ARHGEF10: variants seen among roughly 807,000 people sequenced by gnomAD.
ARHGEF10 encodes Rho guanine nucleotide exchange factor 10.
A neutral mutation model predicts 147.4 loss-of-function variants in ARHGEF10; 140 were observed. The ratio of observed to expected loss-of-function variants is 0.95; its 90% CI spans 0.83 to 1.09. ARHGEF10 has a LOEUF of 1.09. ARHGEF10 is among the 50% of genes least tolerant of loss of function. ARHGEF10 has a pLI of 0.00. For missense variants in ARHGEF10, 2,222 were observed against 1,752.7 expected (o/e 1.27, Z -4.78); for synonymous variants, 902 against 695.8 (o/e 1.30, Z -4.67).
At chr8:1,896,199 T>G in intron 13 of ARHGEF10, 134 bp from the exon 14 acceptor site, 1 of 823,260 alleles carries the variant, frequency 1.2e-6, no homozygotes, top group South Asian at 1.3e-5. Flanking sequence ...ACAGTCATAA[T>G]AAAGTTTATC....
At chr8:1,932,925 C>G (rs753586714) in intron 25 of ARHGEF10, among the ~76,000 whole-genome samples, 1 of 152,128 alleles carries the variant, frequency 6.6e-6, no homozygotes, top group South Asian at 2.1e-4. Flanking sequence ...AGGTCGATGC[C>G]TTAATTAATG....
chr8:1,905,698 G>T lies in ARHGEF10; in HGVS notation c.1949G>T (p.Cys650Phe). 1 of 1,614,004 alleles carries T rather than the reference G, an allele frequency of 6.2e-7. No homozygotes were observed. Among genetic ancestry groups the T allele is most frequent in the Non-Finnish European group, 8.5e-7 (1 of 1,180,042 alleles). ...RVFMLNDVLM[C>F]ATVSSRPSHD... ...TTCATGTTAAATGATGTGTTAATGT[G>T]TGCCACCGTCAGCTCACGGTAAGTG... is the stretch of plus-strand genomic sequence containing the variant. Residue 650 changes from cysteine (C) to phenylalanine (F), a missense_variant, in exon 17 of 29, where the codon TGT becomes TTT. By Grantham distance (205) the Cys-to-Phe change is radical. Transcript: ENST00000349830.
intron 2 of ARHGEF10, among the ~76,000 whole-genome samples, chr8:1,856,851 C>T (rs1037283171): frequency 6.6e-6 from 1 of 152,150 alleles, no homozygotes; most frequent in Non-Finnish European, 1.5e-5. Context: ...GGAAGAAATC[C>T]CAGCCCTTGG....
chr8:1,837,672 A>G (rs950785978), intron 1 of ARHGEF10, among the ~76,000 whole-genome samples: 2 of 152,182 alleles, frequency 1.3e-5, no homozygotes, highest in African/African-American at 4.8e-5. Flanking sequence ...TAGGGCGGGA[A>G]GGGGGAAGAG....
Position 1,937,464 on chromosome 8 carries a change from C to G in ARHGEF10, c.3222+3522C>G, listed in dbSNP as rs1002719903. Among the ~76,000 whole-genome samples, 3 of 152,236 alleles carry G rather than the reference C, an allele frequency of 2.0e-5. No individual in the cohort carries two copies. Among genetic ancestry groups the G allele is most frequent in the South Asian group, 2.1e-4 (1 of 4,836 alleles). ...ACAGCTGGGGGTAATTCCCCTTTCT[C>G]AGGCTGCTTGTAATTTATATGCTGT... On this transcript the variant is annotated intron_variant, in intron 26 of 28. Coordinates refer to ENST00000349830, the MANE Select transcript of ARHGEF10 (RefSeq NM_014629.4). This position sits in a 1 kb window ranked among gnomAD's most constrained non-coding sequence, Gnocchi z 4.9.
chr8:1,905,686 A>G lies in ARHGEF10; in HGVS notation c.1937A>G (p.Asp646Gly), dbSNP rs1446957268. The change falls in exon 17 of 29, where the codon GAT becomes GGT. Residue 646 changes from aspartate (D) to glycine (G), a missense_variant. Transcript: ENST00000349830. ...GAACGCCGAGTCTTCATGTTAAATG[A>G]TGTGTTAATGTGTGCCACCGTCAGC... ...TKERRVFMLN[D>G]VLMCATVSSR... The G allele has an allele frequency of 6.2e-7, 1 of 1,614,134 alleles. No individual in the cohort carries two copies. The highest frequency in any genetic ancestry group is 8.5e-7 in the Non-Finnish European group (1 of 1,180,040).
chr8:1,867,241 G>T (rs938477974), intron 6 of ARHGEF10, among the ~76,000 whole-genome samples: 1 of 152,126 alleles, frequency 6.6e-6, no homozygotes, highest in African/African-American at 2.4e-5. Context: ...AAGCAAATGT[G>T]CTTGAAAAGC....
intron 17 of ARHGEF10, among the ~76,000 whole-genome samples, chr8:1,906,715 G>A (rs1355271056): frequency 6.6e-6 from 1 of 152,182 alleles, no homozygotes; most frequent in Non-Finnish European, 1.5e-5. Context: ...CCTCATCCGT[G>A]CAATAGGGTT....
At position 1,923,489 on chromosome 8, in the gene ARHGEF10, C is replaced by A; in HGVS notation, c.2281C>A (p.His761Asn). Residue 761 changes from histidine to asparagine, a missense_variant, in exon 20 of 29, where the codon CAT (histidine) becomes AAT (asparagine). His to Asn is a moderately conservative substitution (Grantham distance 68). Transcript: ENST00000349830. ...NYQNLNQSVA[H>N]DWTSGLQRLI... Reference sequence around the variant, plus strand: ...GTAGAACTTAAACCAGTCAGTAGCCCATGACTGGACATCAGGTTTACAAAG... The same window carrying A: ...GTAGAACTTAAACCAGTCAGTAGCCAATGACTGGACATCAGGTTTACAAAG... The A allele has an allele frequency of 6.2e-7, 1 of 1,614,046 alleles. No homozygotes were observed. Among genetic ancestry groups the A allele is most frequent in the Non-Finnish European group, 8.5e-7 (1 of 1,180,010 alleles).
chr8:1,876,591 G>A lies in ARHGEF10; in HGVS notation c.700G>A (p.Val234Ile). ...SEPDEMIYDD[V>I]ENGDEGGNSS... ...CTCAGATGAAATGATTTATGATGAT[G>A]TTGAGAATGGGGATGAAGGTGGAAA... Residue 234 changes from valine (V) to isoleucine (I), a missense_variant, in exon 8 of 29, where the codon GTT (valine) becomes ATT (isoleucine). Physicochemically the swap from Val to Ile is conservative, Grantham distance 29. Transcript: ENST00000349830. 2 of 1,614,218 alleles carry A rather than the reference G, an allele frequency of 1.2e-6. No individual in the cohort carries two copies. The highest frequency in any genetic ancestry group is 1.7e-6 in the Non-Finnish European group (2 of 1,180,026).
At chr8:1,865,718 G>A (rs1401134892) in intron 5 of ARHGEF10, among the ~76,000 whole-genome samples, 2 of 112,424 alleles carry the variant, frequency 1.8e-5, no homozygotes, top group Non-Finnish European at 3.9e-5. Context: ...GGATTATCAC[G>A]TGATTCCGTT....
Position 1,866,592 on chromosome 8 carries a change from C to G in ARHGEF10, c.612C>G (p.Ala204=). The G allele has an allele frequency of 1.9e-6, 3 of 1,605,718 alleles. No homozygotes were observed. The highest frequency in any genetic ancestry group is 2.5e-6 in the Non-Finnish European group (3 of 1,179,990). The change falls in exon 6 of 29, where the codon GCC becomes GCG. Residue 204 remains alanine, a synonymous_variant. Transcript: ENST00000349830. The stretch of plus-strand genomic sequence containing the variant: ...GGGCCGCAGACCCGGCCAACACAGC[C>G]TGGATGGAGAGTAAGTTCCCCAGCT... ...ARWAADPANT[A]WMENPEEAIY... is the part of the protein sequence containing the mutation.
chr8:1,878,639 C>G (rs1807910146), intron 8 of ARHGEF10, among the ~76,000 whole-genome samples: 1 of 152,082 alleles, frequency 6.6e-6, no homozygotes, highest in Non-Finnish European at 1.5e-5. Flanking sequence ...GGGTTAAATG[C>G]TCTTCAGTTT....
At chr8:1,952,267 C>T (rs1295182833) in intron 27 of ARHGEF10, among the ~76,000 whole-genome samples, 2 of 152,204 alleles carry the variant, frequency 1.3e-5, no homozygotes, top group Non-Finnish European at 2.9e-5. Context: ...TCCAGCCGCG[C>T]CCATTAAGAG....
chr8:1,889,912 T>TTTG, intron 11 of ARHGEF10, among the ~76,000 whole-genome samples: 1 of 97,922 alleles, frequency 1.0e-5, no homozygotes, highest in African/African-American at 4.5e-5. Context: ...TGAACTTTGT[T>TTTG]AGGAGGCAGT....
At chr8:1,884,275 A>C (rs1297674659) in intron 10 of ARHGEF10, among the ~76,000 whole-genome samples, 1 of 152,032 alleles carries the variant, frequency 6.6e-6, no homozygotes, top group South Asian at 2.1e-4. Context: ...GGGTGCCTGT[A>C]GTCCCAGCTA....
intron 5 of ARHGEF10, among the ~76,000 whole-genome samples, 163 bp downstream of exon 5, chr8:1,864,599 C>G (rs1806429119): frequency 6.6e-6 from 1 of 152,198 alleles, no homozygotes; most frequent in South Asian, 2.1e-4. Context: ...GGCGAGTGTC[C>G]CTGGAAATGT....
In ARHGEF10 at chr8:1,926,469, A is replaced by G; in HGVS notation, c.2697+6A>G. 9.9e-6 allele frequency: 16 copies of G among 1,612,952 alleles called. No homozygotes were observed. Among genetic ancestry groups the G allele is most frequent in the African/African-American group, 1.3e-5 (1 of 74,980 alleles). ...CGGCACATGGTTTCCTGTGGGTAAG[A>G]TGTGTTTATTTGGTTTTGGTACAAG... On this transcript the variant is annotated splice_donor_region_variant and intron_variant, in intron 23 of 28. Transcript: ENST00000349830.
chr8:1,853,708 T>G (rs1805326349), intron 2 of ARHGEF10, among the ~76,000 whole-genome samples: 1 of 152,192 alleles, frequency 6.6e-6, no homozygotes, highest in Admixed American at 6.5e-5. Context: ...GCCTCCTGGG[T>G]TGCAGGCCGG....
Sources: gnomAD v4.1 joint callset for allele counts (sites outside exome capture counted in the v4.1 genomes callset) on GRCh38, gnomAD v4.1.1 for gene constraint, Gnocchi (gnomAD v3.1) non-coding constraint, MANE v1.5 for transcripts, NCBI Gene and HGNC (gene_info 2026-07-23, HGNC 2026-07-21) for gene names.